POC1B: variants seen among roughly 807,000 people sequenced by gnomAD.
POC1B encodes the protein POC1 centriolar protein B.
Under a neutral mutation model 60.6 loss-of-function variants are expected in POC1B, and 44 were observed. That is an observed-to-expected ratio of 0.73 (90% CI 0.57 to 0.93). The LOEUF is 0.93. Among genes scored for constraint, POC1B ranks in the 40% least tolerant of loss-of-function variants. POC1B has a pLI of 0.00. For synonymous variants in POC1B, 180 were observed against 198.9 expected (o/e 0.90, Z 0.80); for missense variants, 555 against 572.3 (o/e 0.97, Z 0.31).
chr12:89,453,165 C>T (rs544856463), intron 10 of POC1B, among the ~76,000 whole-genome samples: 3 of 152,196 alleles, frequency 2.0e-5, no homozygotes, highest in South Asian at 2.1e-4. Context: ...AATTTAATTA[C>T]GTCACTTAAT....
intron 2 of POC1B, chr12:89,521,905 T>C (rs376103855): frequency 2.5e-6 from 1 of 398,086 alleles, no homozygotes; most frequent in East Asian, 3.6e-5. Context: ...TTCACACATT[T>C]TAATAAACAT....
intron 2 of POC1B, chr12:89,523,509 C>T: frequency 6.2e-7 from 1 of 1,611,002 alleles, no homozygotes; most frequent in Non-Finnish European, 8.5e-7. Context: ...TGCCACCACA[C>T]TGCCACACCC....
the POC1B span, among the ~76,000 whole-genome samples, chr12:89,412,292 A>G: frequency 6.6e-6 from 1 of 151,852 alleles, no homozygotes; most frequent in Admixed American, 6.6e-5. Flanking sequence ...TTTCTTAAGT[A>G]AGGGTGTCTC....
intron 10 of POC1B, chr12:89,426,032 C>CAT (rs1459597942): frequency 6.6e-6 from 1 of 152,144 alleles, no homozygotes; most frequent in Non-Finnish European, 1.5e-5. Flanking sequence ...GTGGTATAAA[C>CAT]ATACAATGAA....
At chr12:89,522,761 C>G in intron 2 of POC1B, 1 of 1,519,996 alleles carries the variant, frequency 6.6e-7, no homozygotes, top group Non-Finnish European at 8.8e-7. Flanking sequence ...TCTTAAGGCT[C>G]TTTGACTTTC....
At chr12:89,460,399 C>CTTTCCA (rs1468490957) in intron 9 of POC1B, among the ~76,000 whole-genome samples, 1 of 152,078 alleles carries the variant, frequency 6.6e-6, no homozygotes, top group Non-Finnish European at 1.5e-5. Flanking sequence ...AAACAGAGTG[C>CTTTCCA]TGTATATGGA....
intron 2 of POC1B, chr12:89,500,715 AC>A (rs1332487694): frequency 7.6e-7 from 1 of 1,321,230 alleles, no homozygotes; most frequent in African/African-American, 1.5e-5. Context: ...AAAAGATTAA[AC>A]TTTGAAGATA....
chr12:89,459,086 G>C (rs17016920), intron 10 of POC1B, among the ~76,000 whole-genome samples: 4,228 of 152,152 alleles, frequency 0.028, 178 homozygotes, highest in African/African-American at 0.09. Flanking sequence ...AGTAAGTTTA[G>C]CACCTCTGAA....
At chr12:89,416,067 A>C (rs1469646346), downstream of POC1B, among the ~76,000 whole-genome samples, 1 of 152,256 alleles carries the variant, frequency 6.6e-6, no homozygotes. Flanking sequence ...AAAATAAAAA[A>C]TACTCATTTA....
At position 89,458,666 on chromosome 12, in the gene POC1B, T is replaced by C. The variant is rs548182407; in HGVS notation, c.1113+972A>G. Among the ~76,000 whole-genome samples, 5 of 152,300 alleles carry C rather than the reference T, an allele frequency of 3.3e-5. No individual in the cohort carries two copies. The South Asian group carries it at 1.0e-3, about 32-fold the overall frequency. ...TAGAATTCCTCTACAATAAATACTATTCTTGAGATCTATTAGAGAATTTGT... is the reference window on the plus strand; with the variant it reads ...TAGAATTCCTCTACAATAAATACTACTCTTGAGATCTATTAGAGAATTTGT... On this transcript the variant is annotated intron_variant, in intron 10 of 11. Coordinates refer to ENST00000313546, the MANE Select transcript of POC1B (RefSeq NM_172240.3).
intron 2 of POC1B, among the ~76,000 whole-genome samples, chr12:89,499,649 G>T (rs1430060476): frequency 6.6e-6 from 1 of 152,124 alleles, no homozygotes; most frequent in African/African-American, 2.4e-5. Flanking sequence ...TCAAAGGAGG[G>T]TACTAAATTA....
chr12:89,487,145 C>T lies in POC1B; in HGVS notation c.452+4791G>A, dbSNP rs1158149648. Among the ~76,000 whole-genome samples the T allele has an allele frequency of 2.6e-5, 4 of 152,260 alleles. No homozygotes were observed. The East Asian group carries it at 5.8e-4, about 22-fold the overall frequency. On this transcript the variant is annotated intron_variant, in intron 4 of 11. Transcript: ENST00000313546. ...AAACACTGCCAACCAAGAGGAAAGGCCCATGGTTCCAACAAGACTCACTCC... is the reference window on the plus strand; with the variant it reads ...AAACACTGCCAACCAAGAGGAAAGGTCCATGGTTCCAACAAGACTCACTCC...
the POC1B span, among the ~76,000 whole-genome samples, chr12:89,405,584 T>G: frequency 7.9e-5 from 12 of 152,260 alleles, 1 homozygote; most frequent in South Asian, 2.3e-3. Flanking sequence ...TATTCTTTTG[T>G]GTAGCTAGTT....
At chr12:89,460,409 AAAAT>A (rs1882442583) in intron 9 of POC1B, among the ~76,000 whole-genome samples, 1 of 152,226 alleles carries the variant, frequency 6.6e-6, no homozygotes, top group Non-Finnish European at 1.5e-5. Context: ...CTGTATATGG[AAAAT>A]AAATATATTC....
intron 2 of POC1B, among the ~76,000 whole-genome samples, chr12:89,498,274 G>C (rs1869359132): frequency 6.6e-6 from 1 of 151,976 alleles, no homozygotes; most frequent in Non-Finnish European, 1.5e-5. Context: ...TTTACAAAAA[G>C]GAAAAATGCA....
intron 2 of POC1B, among the ~76,000 whole-genome samples, chr12:89,507,670 C>T (rs930061717): frequency 3.3e-5 from 5 of 152,194 alleles, no homozygotes; most frequent in Non-Finnish European, 7.3e-5. Flanking sequence ...AAGAACAAAG[C>T]CCATGCTTAC....
chr12:89,452,265 G>T (rs1350616307), intron 10 of POC1B, among the ~76,000 whole-genome samples: 2 of 152,074 alleles, frequency 1.3e-5, no homozygotes, highest in East Asian at 3.9e-4. Context: ...TAGAAATACA[G>T]TATCTCAGCA....
At chr12:89,524,295 G>A (rs769015013) in intron 2 of POC1B, 1 of 1,613,984 alleles carries the variant, frequency 6.2e-7, no homozygotes. Flanking sequence ...CATCCTCGTT[G>A]AGCTGGAGTT....
intron 3 of POC1B, among the ~76,000 whole-genome samples, chr12:89,495,515 TTTC>T (rs1869201279): frequency 6.6e-6 from 1 of 152,166 alleles, no homozygotes; most frequent in Non-Finnish European, 1.5e-5. Context: ...CCCATGAGCT[TTTC>T]TTCATTTGGG....
Sources: allele counts gnomAD v4.1 joint callset (sites outside exome capture counted in the v4.1 genomes callset), GRCh38; gene constraint gnomAD v4.1.1; transcripts MANE v1.5; gene names NCBI Gene and HGNC (gene_info 2026-07-23, HGNC 2026-07-21).